Variants in SBF2 observed in about 807,000 individuals in gnomAD.
SBF2 encodes SET binding factor 2, also known as myotubularin-related protein 13.
SBF2 carries 112 observed loss-of-function variants against 225.2 expected under a neutral mutation model. The ratio of observed to expected loss-of-function variants is 0.50; its 90% CI spans 0.43 to 0.58. The LOEUF is 0.58. Ranked by LOEUF, SBF2 falls within the 20% of genes least tolerant of loss-of-function variation. The pLI, the probability that SBF2 is intolerant of heterozygous loss-of-function variation, is 0.00. For synonymous variants in SBF2, 763 were observed against 773.3 expected, an observed-to-expected ratio of 0.99 and a Z score of 0.22; for missense variants, 1,996 against 2,206.2, an observed-to-expected ratio of 0.90 and a Z score of 1.91.
At chr11:10,194,372 A>G (rs1258544129) in intron 1 of SBF2, among the ~76,000 whole-genome samples, 1 of 152,214 alleles carries the variant, frequency 6.6e-6, no homozygotes, top group African/African-American at 2.4e-5. Context: ...GAAAATATGC[A>G]TAGGTTATAT....
intron 1 of SBF2, among the ~76,000 whole-genome samples, chr11:10,211,301 C>T (rs1356870676): frequency 6.6e-6 from 1 of 152,122 alleles, no homozygotes; most frequent in South Asian, 2.1e-4. Context: ...AACCAAATGG[C>T]AGTTTTTATA....
intron 1 of SBF2, among the ~76,000 whole-genome samples, chr11:10,299,365 G>A (rs1198047964): frequency 6.8e-6 from 1 of 146,114 alleles, no homozygotes; most frequent in Non-Finnish European, 1.5e-5. Flanking sequence ...AAAAGGAAGT[G>A]TCCTGCAGTT....
At chr11:9,890,535 C>G (rs1860716586) in intron 17 of SBF2, among the ~76,000 whole-genome samples, 1 of 152,172 alleles carries the variant, frequency 6.6e-6, no homozygotes, top group African/African-American at 2.4e-5. Flanking sequence ...CAAATGCCAA[C>G]TACATGTGGA....
chr11:9,973,103 A>G (rs754382744), intron 13 of SBF2, among the ~76,000 whole-genome samples: 5 of 152,208 alleles, frequency 3.3e-5, no homozygotes, highest in Non-Finnish European at 5.9e-5. Flanking sequence ...ATAAATGTAA[A>G]GGACCACATT....
intron 2 of SBF2, among the ~76,000 whole-genome samples, chr11:10,110,122 A>T (rs534138761): frequency 6.6e-6 from 1 of 152,362 alleles, no homozygotes; most frequent in South Asian, 2.1e-4. Context: ...GGAAAAATAA[A>T]ACATTTCTTC....
intron 17 of SBF2, among the ~76,000 whole-genome samples, chr11:9,893,705 C>A (rs1420005529): frequency 6.6e-6 from 1 of 152,180 alleles, no homozygotes; most frequent in Non-Finnish European, 1.5e-5. Flanking sequence ...CTCCAGCAGG[C>A]AGTTTACTGC....
At chr11:9,802,683 A>G (rs1474201266) in intron 32 of SBF2, among the ~76,000 whole-genome samples, 2 of 152,230 alleles carry the variant, frequency 1.3e-5, no homozygotes, top group Non-Finnish European at 2.9e-5. Context: ...ACTAGTGTTC[A>G]CTTGAAAGGC....
chr11:10,108,816 G>A (rs10743129), intron 2 of SBF2, among the ~76,000 whole-genome samples: 37,848 of 151,920 alleles, frequency 0.25, 5,057 homozygotes, highest in Admixed American at 0.35. Context: ...GAGCCACCGC[G>A]CCCGGCCAAT....
At chr11:10,301,768 T>G (rs552988860) in intron 1 of SBF2, among the ~76,000 whole-genome samples, 2 of 152,330 alleles carry the variant, frequency 1.3e-5, no homozygotes, top group Non-Finnish European at 2.9e-5. Context: ...CAAACTTTAC[T>G]AAGAATCAGG....
intron 16 of SBF2, among the ~76,000 whole-genome samples, chr11:9,913,844 C>G (rs946136450): frequency 6.6e-6 from 1 of 152,164 alleles, no homozygotes; most frequent in East Asian, 1.9e-4. Flanking sequence ...GGCCTACTTA[C>G]AGCAGCTCCT....
Position 10,275,670 on chromosome 11 carries a change from AAC to A in SBF2, c.55+18343_55+18344del, listed in dbSNP as rs200850827. The stretch of plus-strand genomic sequence containing the variant: ...CAATCCTCCTCATTTCCAAGGCTGC[AAC>A]AGAATCTTAAAACAAAACAAAAAAA... On this transcript the variant is annotated intron_variant, in intron 1 of 39. Coordinates refer to ENST00000256190, the MANE Select transcript of SBF2 (RefSeq NM_030962.4). Among the ~76,000 whole-genome samples, 793 of 152,212 alleles carry A rather than the reference AAC, an allele frequency of 5.2e-3. 7 individuals carry two copies. Among genetic ancestry groups the A allele is most frequent in the African/African-American group, 0.018 (741 of 41,542 alleles).
rs1282300033 is a variant in SBF2, at chr11:9,790,587, A to G, written c.4667T>C (p.Phe1556Ser). 1 of 1,585,514 alleles carries G rather than the reference A, an allele frequency of 6.3e-7. No individual in the cohort carries two copies. Among genetic ancestry groups the G allele is most frequent in the East Asian group, 2.2e-5 (1 of 44,686 alleles). Residue 1556 changes from phenylalanine to serine, a missense_variant, in exon 34 of 40, where the codon TTT (phenylalanine) becomes TCT (serine). Transcript: ENST00000256190. ...DRMHKRSPIF[F>S]NYLYSPLEIE... ...TTCCAATGGTGAATATAAATAATTA[A>G]AGAAAATGGGACTCCTCTTGTGCAT...
intron 17 of SBF2, among the ~76,000 whole-genome samples, chr11:9,864,317 T>C (rs959667973): frequency 1.8e-4 from 27 of 152,176 alleles, no homozygotes; most frequent in African/African-American, 6.0e-4. Flanking sequence ...GGTATATTCA[T>C]CCACCAGCAT....
chr11:9,947,811 G>A (rs1455269035), intron 16 of SBF2, among the ~76,000 whole-genome samples: 1 of 152,026 alleles, frequency 6.6e-6, no homozygotes, highest in East Asian at 1.9e-4. Context: ...AGGATATGGA[G>A]AAACTGAAAC....
chr11:10,124,943 A>C (rs1953675327), intron 2 of SBF2, among the ~76,000 whole-genome samples: 2 of 151,936 alleles, frequency 1.3e-5, no homozygotes, highest in Non-Finnish European at 2.9e-5. Context: ...CGTCTCTACT[A>C]AAAGTACAAA....
chr11:9,779,190 G>C lies in SBF2; in HGVS notation c.*1228C>G, dbSNP rs1851879803. 6.6e-6 allele frequency: 1 copy of C among 152,498 alleles called. No individual in the cohort carries two copies. Among genetic ancestry groups the C allele is most frequent in the African/African-American group, 2.4e-5 (1 of 41,380 alleles). 9.4% of individuals were successfully genotyped at this position (152,498 alleles called of 1,614,324 possible). A position where few individuals can be genotyped will look rare whatever the true frequency, so the allele number is the denominator to read the frequency against. The stretch of plus-strand genomic sequence containing the variant: ...ATTTCATTATTGAAATCTTATGAAT[G>C]CATCAGTTAATTTATATTAAATTAT... On this transcript the variant is annotated 3_prime_UTR_variant, in exon 40 of 40. Coordinates refer to ENST00000256190, the MANE Select transcript of SBF2 (RefSeq NM_030962.4).
At chr11:9,805,557 G>A (rs1434868155) in intron 32 of SBF2, among the ~76,000 whole-genome samples, 1 of 152,066 alleles carries the variant, frequency 6.6e-6, no homozygotes, top group Non-Finnish European at 1.5e-5. Flanking sequence ...TTTGTGGAGG[G>A]GAATAAAAGG....
At chr11:10,033,696 T>C (rs1415119565) in intron 3 of SBF2, among the ~76,000 whole-genome samples, 1 of 139,862 alleles carries the variant, frequency 7.1e-6, no homozygotes, top group Non-Finnish European at 1.6e-5. Flanking sequence ...ACACAACAAA[T>C]AAACCCCAAA....
chr11:9,848,255 G>A (rs1487928838), intron 22 of SBF2, among the ~76,000 whole-genome samples: 1 of 152,136 alleles, frequency 6.6e-6, no homozygotes. Context: ...GCTAAGCAAA[G>A]TCAGGATGTA....
Sources: allele counts gnomAD v4.1 joint callset (sites outside exome capture counted in the v4.1 genomes callset), GRCh38; gene constraint gnomAD v4.1.1; transcripts MANE v1.5; gene names NCBI Gene and HGNC (gene_info 2026-07-23, HGNC 2026-07-21).